The following ROR2 variants were observed in gnomAD, a reference collection of about 807,000 sequenced individuals.
The protein encoded by ROR2 is ROR family WNT receptor 2.
In ROR2, 33 loss-of-function variants were observed where a neutral mutation model predicts 74.9. That is an observed-to-expected ratio of 0.44 (90% CI 0.33 to 0.59). The LOEUF is 0.59. ROR2 is among the 20% of genes least tolerant of loss of function. The pLI, the probability that ROR2 is intolerant of heterozygous loss-of-function variation, is 0.02. For synonymous variants in ROR2, 586 were observed against 558.7 expected, an observed-to-expected ratio of 1.05 and a Z score of -0.69; for missense variants, 1,216 against 1,313.8, an observed-to-expected ratio of 0.93 and a Z score of 1.15.
chr9:91,908,541 T>C (rs568963391), intron 1 of ROR2, among the ~76,000 whole-genome samples: 69 of 152,234 alleles, frequency 4.5e-4, no homozygotes, highest in African/African-American at 1.6e-3. Context: ...AGGAGGTAGA[T>C]AGGGACCAGG....
intron 1 of ROR2, among the ~76,000 whole-genome samples, chr9:91,800,077 C>G (rs1827322507): frequency 1.3e-5 from 2 of 152,228 alleles, no homozygotes; most frequent in South Asian, 4.1e-4. Context: ...TGCAGTGGCT[C>G]ATGCCTGTAA....
chr9:91,949,575 C>A (rs1288429661), intron 1 of ROR2, among the ~76,000 whole-genome samples: 1 of 151,398 alleles, frequency 6.6e-6, no homozygotes, highest in Non-Finnish European at 1.5e-5. Context: ...CTCGCACTCC[C>A]ACTCGCGACC....
At chr9:91,732,131 G>A (rs998514359) in intron 6 of ROR2, among the ~76,000 whole-genome samples, 1 of 152,164 alleles carries the variant, frequency 6.6e-6, no homozygotes, top group Non-Finnish European at 1.5e-5. Context: ...GCCATTCCTG[G>A]ACCCCCAGAT....
intron 1 of ROR2, among the ~76,000 whole-genome samples, chr9:91,841,748 C>T (rs1196025504): frequency 6.6e-6 from 1 of 152,182 alleles, no homozygotes; most frequent in Non-Finnish European, 1.5e-5. Flanking sequence ...TCTTCAGTGC[C>T]CTCGGATGCC....
At chr9:91,745,858 G>A (rs1417376285) in intron 4 of ROR2, among the ~76,000 whole-genome samples, 3 of 152,052 alleles carry the variant, frequency 2.0e-5, no homozygotes, top group East Asian at 3.9e-4. Flanking sequence ...CTGTACTATG[G>A]GATTTAAGGA....
Position 91,723,521 on chromosome 9 carries a change from C to T in ROR2, c.*141G>A, listed in dbSNP as rs1836869673. 5 of 1,296,116 alleles carry T rather than the reference C, an allele frequency of 3.9e-6. No homozygotes were observed. Among genetic ancestry groups the T allele is most frequent in the Non-Finnish European group, 5.3e-6 (5 of 942,498 alleles). The allele number at this position is 1,296,116 out of a possible 1,614,324, so 80.3% of individuals were successfully genotyped here. On this transcript the variant is annotated 3_prime_UTR_variant, in exon 9 of 9. Coordinates refer to ENST00000375708, the MANE Select transcript of ROR2 (RefSeq NM_004560.4). ...TCAGAGGACAGAGAGGAGCAGGGCT[C>T]CACCTCACCCAGTCTGCAAACAAGC... is the stretch of plus-strand genomic sequence containing the variant.
intron 1 of ROR2, among the ~76,000 whole-genome samples, chr9:91,901,765 A>G (rs569451375): frequency 1.1e-3 from 159 of 151,238 alleles, no homozygotes; most frequent in African/African-American, 3.6e-3. Context: ...GCAGCGAGCC[A>G]TGATCTCACG....
At chr9:91,899,608 CAG>C (rs1587832028) in intron 1 of ROR2, among the ~76,000 whole-genome samples, 1 of 151,964 alleles carries the variant, frequency 6.6e-6, no homozygotes, top group East Asian at 1.9e-4. Flanking sequence ...CAGGAGAGAA[CAG>C]AGCCTCCTCC....
At chr9:91,735,383 ACT>A (rs1330801209) in intron 5 of ROR2, among the ~76,000 whole-genome samples, 1 of 152,112 alleles carries the variant, frequency 6.6e-6, no homozygotes, top group Non-Finnish European at 1.5e-5. Flanking sequence ...TTCATTCTAA[ACT>A]CTTCTCTAAA....
At chr9:91,942,202 T>C (rs1359199135) in intron 1 of ROR2, among the ~76,000 whole-genome samples, 11 of 152,150 alleles carry the variant, frequency 7.2e-5, no homozygotes, top group Admixed American at 7.2e-4. Flanking sequence ...CGTTTGCTGA[T>C]TTTTGCTCAT....
intron 1 of ROR2, among the ~76,000 whole-genome samples, chr9:91,808,476 A>G (rs1195335284): frequency 3.3e-5 from 5 of 152,046 alleles, no homozygotes; most frequent in Non-Finnish European, 7.4e-5. Context: ...CTAAAAATAC[A>G]AAATTAGCTG....
intron 1 of ROR2, among the ~76,000 whole-genome samples, chr9:91,909,164 G>A (rs1009289475): frequency 5.9e-5 from 9 of 152,198 alleles, no homozygotes; most frequent in African/African-American, 2.2e-4. Context: ...CCATTGCTCT[G>A]TCTGGGATCT....
chr9:91,764,446 C>T (rs952847753), intron 2 of ROR2, among the ~76,000 whole-genome samples: 1 of 151,748 alleles, frequency 6.6e-6, no homozygotes, highest in Admixed American at 6.6e-5. Flanking sequence ...TTCCCCTCTG[C>T]TTATTTGAAA....
At chr9:91,913,646 T>TA (rs2119442170) in intron 1 of ROR2, among the ~76,000 whole-genome samples, 2 of 152,354 alleles carry the variant, frequency 1.3e-5, no homozygotes, top group South Asian at 4.1e-4. Context: ...CTAATGGATT[T>TA]ACTCTCTAAA....
chr9:91,787,870 C>T (rs535313948), intron 1 of ROR2, among the ~76,000 whole-genome samples: 29 of 152,266 alleles, frequency 1.9e-4, no homozygotes, highest in African/African-American at 6.7e-4. Flanking sequence ...CAGACAAACA[C>T]TTTATCAGCA....
chr9:91,807,684 C>A (rs1050624685), intron 1 of ROR2, among the ~76,000 whole-genome samples: 4 of 152,094 alleles, frequency 2.6e-5, no homozygotes, highest in Non-Finnish European at 4.4e-5. Flanking sequence ...CTGGAGGACA[C>A]CCAGCTGGCG....
At chr9:91,739,441 G>C (rs1174897691) in intron 4 of ROR2, among the ~76,000 whole-genome samples, 1 of 150,458 alleles carries the variant, frequency 6.6e-6, no homozygotes, top group African/African-American at 2.4e-5. Flanking sequence ...GGGAGACAGA[G>C]GCTGCAGTGA....
At chr9:91,871,832 T>C (rs1037977742) in intron 1 of ROR2, among the ~76,000 whole-genome samples, 4 of 152,032 alleles carry the variant, frequency 2.6e-5, no homozygotes, top group African/African-American at 9.7e-5. Flanking sequence ...GGTTCTTGGG[T>C]CGAGAGACCC....
intron 1 of ROR2, among the ~76,000 whole-genome samples, chr9:91,931,195 G>A (rs773041322): frequency 5.9e-5 from 9 of 152,260 alleles, no homozygotes; most frequent in Non-Finnish European, 1.3e-4. Flanking sequence ...AAAACTATTT[G>A]TTATATTTAA....
Sources: allele counts gnomAD v4.1 joint callset (sites outside exome capture counted in the v4.1 genomes callset), GRCh38; gene constraint gnomAD v4.1.1; transcripts MANE v1.5; gene names NCBI Gene and HGNC (gene_info 2026-07-23, HGNC 2026-07-21).